The following CPNE8 variants were observed in gnomAD, a reference collection of about 807,000 sequenced individuals.
CPNE8 encodes copine 8.
A neutral mutation model predicts 81.5 loss-of-function variants in CPNE8; 45 were observed. The observed-to-expected ratio is 0.55, with a 90% CI of 0.44 to 0.71. The LOEUF (loss-of-function observed/expected upper bound fraction) is 0.71. Ranked by LOEUF, CPNE8 falls within the 30% of genes least tolerant of loss-of-function variation. The pLI is 0.00. For missense variants in CPNE8, 594 were observed against 672.1 expected, an observed-to-expected ratio of 0.88 and a Z score of 1.28; for synonymous variants, 252 against 226.3, an observed-to-expected ratio of 1.11 and a Z score of -1.02.
intron 9 of CPNE8, 133 bp downstream of exon 9, chr12:38,761,979 G>A: frequency 2.2e-6 from 1 of 457,892 alleles, no homozygotes; most frequent in Admixed American, 4.1e-5. Context: ...ACGTATTTTA[G>A]CATTTAAATA....
chr12:38,827,143 G>T (rs1335913420), intron 6 of CPNE8, among the ~76,000 whole-genome samples: 2 of 137,466 alleles, frequency 1.5e-5, no homozygotes, highest in Non-Finnish European at 3.1e-5. Context: ...ATTGCGCCTG[G>T]ACAACAAAGG....
At chr12:38,816,258 C>T (rs1262746635) in intron 6 of CPNE8, among the ~76,000 whole-genome samples, 1 of 152,022 alleles carries the variant, frequency 6.6e-6, no homozygotes, top group Non-Finnish European at 1.5e-5. Context: ...GACTATTATC[C>T]TGGAAAATTC....
intron 13 of CPNE8, 31 bp downstream of exon 13, chr12:38,723,741 A>C: frequency 7.1e-7 from 1 of 1,406,070 alleles, no homozygotes; most frequent in South Asian, 1.2e-5. Flanking sequence ...GAAATGCCTA[A>C]GCAACGAAAC....
intron 3 of CPNE8, among the ~76,000 whole-genome samples, chr12:38,863,316 A>G (rs1943868818): frequency 6.6e-6 from 1 of 152,212 alleles, no homozygotes; most frequent in Non-Finnish European, 1.5e-5. Context: ...TGTAACGAAG[A>G]TACTGAATCT....
At chr12:38,666,150 G>A (rs765182709) in intron 19 of CPNE8, among the ~76,000 whole-genome samples, 1 of 152,170 alleles carries the variant, frequency 6.6e-6, no homozygotes, top group Non-Finnish European at 1.5e-5. Context: ...TCAGCTCTGA[G>A]TATGTCAGAA....
At chr12:38,717,435 A>ATATATATATATATATATATATATATATC (rs1940429304) in intron 13 of CPNE8, among the ~76,000 whole-genome samples, 1 of 126,026 alleles carries the variant, frequency 7.9e-6, no homozygotes, top group Non-Finnish European at 1.6e-5. Flanking sequence ...TGGTGTATAT[A>ATATATATATATATATATATATATATATC]TATATATATA....
At chr12:38,816,265 A>T (rs1943022360) in intron 6 of CPNE8, among the ~76,000 whole-genome samples, 1 of 152,218 alleles carries the variant, frequency 6.6e-6, no homozygotes, top group Non-Finnish European at 1.5e-5. Context: ...ATCCTGGAAA[A>T]TTCAGTGCAA....
intron 18 of CPNE8, among the ~76,000 whole-genome samples, chr12:38,674,453 T>C (rs1939245913): frequency 6.6e-6 from 1 of 152,082 alleles, no homozygotes; most frequent in South Asian, 2.1e-4. Flanking sequence ...TACCAATTGG[T>C]GAAGTTTGTG....
At chr12:38,737,009 T>C (rs545718353) in intron 10 of CPNE8, among the ~76,000 whole-genome samples, 9 of 152,160 alleles carry the variant, frequency 5.9e-5, no homozygotes, top group African/African-American at 2.2e-4. Flanking sequence ...TTGAATTCAT[T>C]TTTTAGCTTG....
chr12:38,711,241 TG>T (rs1940248841), intron 13 of CPNE8, among the ~76,000 whole-genome samples: 2 of 152,178 alleles, frequency 1.3e-5, no homozygotes, highest in Admixed American at 1.3e-4. Flanking sequence ...TGGCTAAAAG[TG>T]CACACTGTAA....
At chr12:38,773,309 T>C (rs1360084123) in intron 7 of CPNE8, among the ~76,000 whole-genome samples, 1 of 152,130 alleles carries the variant, frequency 6.6e-6, no homozygotes, top group Non-Finnish European at 1.5e-5. Context: ...GTAAATCTTA[T>C]GCTGTTTATT....
In CPNE8 at chr12:38,885,898, T is replaced by C. The variant is rs547074610; in HGVS notation, c.99-11387A>G. 2.6e-5 allele frequency among the ~76,000 whole-genome samples: 4 copies of C among 152,186 alleles called. No homozygotes were observed. In the East Asian group the frequency reaches 7.7e-4, roughly 29 times the overall value. On this transcript the variant is annotated intron_variant, in intron 1 of 19. Coordinates refer to ENST00000331366, the MANE Select transcript of CPNE8 (RefSeq NM_153634.3). ...TCTCTCTCTCTCTCCTGCTCCACCATGTAAAGACGTGCCTGCCTCCCCTTG... is the reference window on the plus strand; with the variant it reads ...TCTCTCTCTCTCTCCTGCTCCACCACGTAAAGACGTGCCTGCCTCCCCTTG...
At chr12:38,859,100 C>A (rs1943790145) in intron 3 of CPNE8, among the ~76,000 whole-genome samples, 1 of 151,374 alleles carries the variant, frequency 6.6e-6, no homozygotes. Context: ...CTAGCCAGAG[C>A]AATTAGACAT....
At chr12:38,747,330 A>ATTG (rs1252599047) in intron 10 of CPNE8, among the ~76,000 whole-genome samples, 1 of 152,156 alleles carries the variant, frequency 6.6e-6, no homozygotes, top group African/African-American at 2.4e-5. Flanking sequence ...CCACAAGTAA[A>ATTG]GGAGTATGAA....
At chr12:38,717,985 T>C (rs1940450043) in intron 13 of CPNE8, among the ~76,000 whole-genome samples, 1 of 152,026 alleles carries the variant, frequency 6.6e-6, no homozygotes, top group Non-Finnish European at 1.5e-5. Flanking sequence ...ATTCAGCAAT[T>C]TGTTCCAATT....
At chr12:38,777,303 G>A (rs917716907) in intron 6 of CPNE8, among the ~76,000 whole-genome samples, 1 of 152,052 alleles carries the variant, frequency 6.6e-6, no homozygotes, top group African/African-American at 2.4e-5. Context: ...ACAGAAAAAA[G>A]ATTACTGAAT....
intron 6 of CPNE8, among the ~76,000 whole-genome samples, chr12:38,777,196 T>A (rs1319599269): frequency 2.0e-5 from 3 of 152,094 alleles, no homozygotes; most frequent in Non-Finnish European, 4.4e-5. Flanking sequence ...ATACTGAGGA[T>A]CCTGACCCTG....
At position 38,675,774 on chromosome 12, in the gene CPNE8, C is replaced by A. The variant is rs1939274558; in HGVS notation, c.1375G>T (p.Ala459Ser). 2 of 1,591,382 alleles carry A rather than the reference C, an allele frequency of 1.3e-6. No homozygotes were observed. Among genetic ancestry groups the A allele is most frequent in the African/African-American group, 1.3e-5 (1 of 74,494 alleles). The part of the protein sequence containing the change: ...MAQTKESIVN[A>S]SKLPMSIIIV... ...ATTATTGACATTGGAAGTTTTGAGGCCTTCAAAGAGAATATACAATTAGGT... is the reference window on the plus strand; with the variant it reads ...ATTATTGACATTGGAAGTTTTGAGGACTTCAAAGAGAATATACAATTAGGT... The change falls in exon 18 of 20, where the codon GCC (alanine) becomes TCC (serine). Residue 459 changes from alanine (A) to serine (S), a missense_variant and splice_region_variant. Coordinates refer to ENST00000331366, the MANE Select transcript of CPNE8 (RefSeq NM_153634.3).
chr12:38,660,505 A>T (rs948930845), intron 19 of CPNE8, among the ~76,000 whole-genome samples: 1 of 152,254 alleles, frequency 6.6e-6, no homozygotes, highest in Non-Finnish European at 1.5e-5. Flanking sequence ...TTAAAACCAT[A>T]AAATCCCTAG....
Sources: gnomAD v4.1 joint callset for allele counts (sites outside exome capture counted in the v4.1 genomes callset) on GRCh38, gnomAD v4.1.1 for gene constraint, MANE v1.5 for transcripts, NCBI Gene and HGNC (gene_info 2026-07-23, HGNC 2026-07-21) for gene names.